The following OPA1 variants were observed in gnomAD, a reference collection of about 807,000 sequenced individuals.
The protein encoded by OPA1 is OPA1 mitochondrial dynamin like GTPase.
In OPA1, 59 loss-of-function variants were observed where a neutral mutation model predicts 152.9. The ratio of observed to expected loss-of-function variants is 0.39; its 90% CI spans 0.31 to 0.48. The LOEUF is 0.48. OPA1 is among the 20% of genes least tolerant of loss of function. The probability of loss-of-function intolerance (pLI) is 0.96; values close to 1 mark genes in which losing one functional copy is unlikely to be tolerated. For missense variants in OPA1, 1,008 were observed against 1,216.8 expected (o/e 0.83, Z 2.55); for synonymous variants, 400 against 389.9 (o/e 1.03, Z -0.31).
At chr3:193,621,976 A>T (rs563832096) in intron 6 of OPA1, among the ~76,000 whole-genome samples, 2 of 152,304 alleles carry the variant, frequency 1.3e-5, no homozygotes, top group South Asian at 4.1e-4. Flanking sequence ...TGTTCCAGTG[A>T]AATTGATTTG....
chr3:193,604,122 C>T (rs573682101), intron 1 of OPA1, among the ~76,000 whole-genome samples: 1 of 152,314 alleles, frequency 6.6e-6, no homozygotes, highest in African/African-American at 2.4e-5. Flanking sequence ...ACCAGCTTGG[C>T]TGCTGCTACT....
chr3:193,684,560 C>T (rs1308371928), intron 29 of OPA1, among the ~76,000 whole-genome samples: 1 of 150,370 alleles, frequency 6.7e-6, no homozygotes, highest in Non-Finnish European at 1.5e-5. Flanking sequence ...AAGTGATTCT[C>T]CTGCCTCAGC....
chr3:193,683,279 T>C (rs1322433731), intron 29 of OPA1, among the ~76,000 whole-genome samples: 1 of 151,502 alleles, frequency 6.6e-6, no homozygotes, highest in Admixed American at 6.6e-5. Context: ...TTTTCTTTTT[T>C]TTTTTTTTGG....
At chr3:193,672,367 C>T (rs1718118298) in intron 29 of OPA1, among the ~76,000 whole-genome samples, 1 of 152,154 alleles carries the variant, frequency 6.6e-6, no homozygotes, top group African/African-American at 2.4e-5. Context: ...TTCACCAGTA[C>T]AGTGTGGAAT....
chr3:193,638,071 A>G lies in OPA1; in HGVS notation c.1149+6A>G. 1 of 1,603,688 alleles carries G rather than the reference A, an allele frequency of 6.2e-7. No homozygotes were observed. The highest frequency in any genetic ancestry group is 8.5e-7 in the Non-Finnish European group (1 of 1,170,668). On this transcript the variant is annotated splice_donor_region_variant and intron_variant, in intron 11 of 30. Coordinates refer to ENST00000361510, the MANE Select transcript of OPA1 (RefSeq NM_130837.3). ...TGACACGTTCTCCAGTTAAGGTAAG[A>G]ACATAGGCCGTCTCAGTGAGGTTCC...
intron 22 of OPA1, among the ~76,000 whole-genome samples, chr3:193,655,583 T>TGAA (rs1713607593): frequency 6.6e-6 from 1 of 152,260 alleles, no homozygotes. Flanking sequence ...ATCCTTTGCC[T>TGAA]AGTTGCTTAA....
intron 14 of OPA1, 27 bp downstream of exon 14, chr3:193,643,471 A>G (rs990834510): frequency 6.2e-7 from 1 of 1,606,366 alleles, no homozygotes; most frequent in Admixed American, 1.7e-5. Context: ...CATGTATTTT[A>G]TTTTATTCTT....
At position 193,697,186 on chromosome 3, in the gene OPA1, T is replaced by A. The variant is rs184158062; in HGVS notation, c.*2586T>A. On this transcript the variant is annotated 3_prime_UTR_variant, in exon 31 of 31. Transcript: ENST00000361510. ...AGTTAATAATTTTGTATTTATTTAT[T>A]CTAGATGTATGTATCTGAGGAAAGA... is the stretch of plus-strand genomic sequence containing the variant. 1.3e-5 allele frequency: 2 copies of A among 152,358 alleles called. No individual in the cohort carries two copies. The highest frequency in any genetic ancestry group is 6.5e-5 in the Admixed American group (1 of 15,310). The allele number at this position is 152,358 out of a possible 1,614,324, so 9.4% of individuals were successfully genotyped here.
chr3:193,686,910 G>A (rs1721008627), intron 29 of OPA1, among the ~76,000 whole-genome samples: 1 of 152,098 alleles, frequency 6.6e-6, no homozygotes, highest in Non-Finnish European at 1.5e-5. Flanking sequence ...TAGTAAGTTG[G>A]CAGCTTGCTT....
chr3:193,599,063 T>A (rs181377458), intron 1 of OPA1, among the ~76,000 whole-genome samples: 38 of 152,300 alleles, frequency 2.5e-4, no homozygotes, highest in African/African-American at 8.9e-4. Flanking sequence ...GCCTTTCCCT[T>A]TCCTTTCTCA....
At chr3:193,594,028 T>G (rs765735246) in intron 1 of OPA1, among the ~76,000 whole-genome samples, 1 of 152,196 alleles carries the variant, frequency 6.6e-6, no homozygotes, top group Non-Finnish European at 1.5e-5. Flanking sequence ...GGAGACTTAC[T>G]TTTTGATGCA....
intron 7 of OPA1, among the ~76,000 whole-genome samples, chr3:193,630,451 A>C (rs568711216): frequency 6.6e-6 from 1 of 152,264 alleles, no homozygotes; most frequent in South Asian, 2.1e-4. Context: ...ATGACAAAGT[A>C]TTTAGAAATA....
chr3:193,654,815 AC>A, intron 21 of OPA1, 46 bp from the exon 22 acceptor site: 2 of 1,581,686 alleles, frequency 1.3e-6, no homozygotes, highest in Non-Finnish European at 1.7e-6. Flanking sequence ...GTTTTTAAAA[AC>A]AATATTATAT....
Position 193,615,731 on chromosome 3 carries a change from C to T in OPA1, c.409C>T (p.Pro137Ser). The T allele has an allele frequency of 1.2e-6, 2 of 1,612,250 alleles. No individual in the cohort carries two copies. Among genetic ancestry groups the T allele is most frequent in the Non-Finnish European group, 1.7e-6 (2 of 1,178,522 alleles). ...PDLSEYKWIV[P>S]DIVWEIDEYI... The stretch of plus-strand genomic sequence containing the variant: ...CCTTAGTGAATATAAATGGATTGTG[C>T]CTGACATTGTGTGGGAAATTGATGA... The change falls in exon 3 of 31, where the codon CCT becomes TCT. Residue 137 changes from proline (P) to serine (S), a missense_variant. Pro to Ser is a moderately conservative substitution (Grantham distance 74, BLOSUM62 -1). Coordinates refer to ENST00000361510, the MANE Select transcript of OPA1 (RefSeq NM_130837.3).
intron 29 of OPA1, 149 bp downstream of exon 29, chr3:193,667,429 G>C (rs1716831225): frequency 1.5e-6 from 1 of 683,722 alleles, no homozygotes; most frequent in South Asian, 1.5e-5. Flanking sequence ...CCAGCACTTT[G>C]GGAGGCCAAG....
chr3:193,664,823 G>A (rs1281320863), intron 26 of OPA1, 57 bp from the exon 27 acceptor site: 1 of 925,386 alleles, frequency 1.1e-6, no homozygotes, highest in Non-Finnish European at 1.8e-6. Flanking sequence ...TTCTCAGTGT[G>A]GTTGATCAAC....
In OPA1 at chr3:193,632,372, T is replaced by C. The variant is rs932862201; in HGVS notation, c.843+707T>C. Among the ~76,000 whole-genome samples, 38 of 152,186 alleles carry C rather than the reference T, an allele frequency of 2.5e-4. No individual in the cohort carries two copies. The East Asian group carries it at 7.2e-3, about 29-fold the overall frequency. On this transcript the variant is annotated intron_variant, in intron 8 of 30. Transcript: ENST00000361510. ...GGCAGGCGCCTGTAGTCCCAGCTACTCAGGAGGCTGAGGCAGGAGAATGGT... is the reference window on the plus strand; with the variant it reads ...GGCAGGCGCCTGTAGTCCCAGCTACCCAGGAGGCTGAGGCAGGAGAATGGT...
rs144821293 is a variant in OPA1 at position 193,597,457 on chromosome 3, G to A, written c.32+4048G>A. Among the ~76,000 whole-genome samples, 926 of 152,198 alleles carry A rather than the reference G, an allele frequency of 6.1e-3. 10 individuals are homozygous for A. The highest frequency in any genetic ancestry group is 0.021 in the African/African-American group (857 of 41,522). On this transcript the variant is annotated intron_variant, in intron 1 of 30. Transcript: ENST00000361510. ...TGTAATCCCAGCACTTTGGGAGGCC[G>A]AGGTGGGCGGATCACCTGAGGTTAG... is the stretch of plus-strand genomic sequence containing the variant.
At chr3:193,639,497 C>T (rs1031400808) in intron 11 of OPA1, among the ~76,000 whole-genome samples, 6 of 152,248 alleles carry the variant, frequency 3.9e-5, no homozygotes, top group Admixed American at 2.6e-4. Flanking sequence ...GATGCAAAGC[C>T]TCTGAGGTGG....
Sources: gnomAD v4.1 joint callset for allele counts (sites outside exome capture counted in the v4.1 genomes callset) on GRCh38, gnomAD v4.1.1 for gene constraint, MANE v1.5 for transcripts, NCBI Gene and HGNC (gene_info 2026-07-23, HGNC 2026-07-21) for gene names.